The following GALNTL6 variants were observed in gnomAD, a reference collection of about 807,000 sequenced individuals.
GALNTL6 encodes polypeptide N-acetylgalactosaminyltransferase like 6, also known as polypeptide N-acetylgalactosaminyltransferase-like 6.
A neutral mutation model predicts 73.7 loss-of-function variants in GALNTL6; 46 were observed. That is an observed-to-expected ratio of 0.62 (90% CI 0.49 to 0.80). GALNTL6 has a LOEUF of 0.80. Ranked by LOEUF, GALNTL6 falls within the 30% of genes least tolerant of loss-of-function variation. The pLI, the probability that GALNTL6 is intolerant of heterozygous loss-of-function variation, is 0.00. For missense variants in GALNTL6, 604 were observed against 755.0 expected (o/e 0.80, Z 2.34); for synonymous variants, 259 against 263.7 (o/e 0.98, Z 0.17).
intron 2 of GALNTL6, among the ~76,000 whole-genome samples, chr4:172,156,242 C>G (rs1734257776): frequency 6.6e-6 from 1 of 152,016 alleles, no homozygotes; most frequent in Non-Finnish European, 1.5e-5. Context: ...TCTCGGCCAG[C>G]TTTCTTCCTG....
chr4:171,888,796 C>G (rs1736677807), intron 2 of GALNTL6, among the ~76,000 whole-genome samples: 1 of 151,978 alleles, frequency 6.6e-6, no homozygotes, highest in South Asian at 2.1e-4. Flanking sequence ...GACAGAATAC[C>G]TACTAAAGAA....
chr4:172,391,652 A>G (rs576806828), intron 5 of GALNTL6, among the ~76,000 whole-genome samples: 1 of 152,086 alleles, frequency 6.6e-6, no homozygotes, highest in Non-Finnish European at 1.5e-5. Context: ...ACACATTCTA[A>G]CCATAGCAGC....
chr4:172,022,924 T>A (rs1288619475), intron 2 of GALNTL6, among the ~76,000 whole-genome samples: 1 of 152,062 alleles, frequency 6.6e-6, no homozygotes, highest in Non-Finnish European at 1.5e-5. Context: ...CTCTGAACAC[T>A]TCAAACTATT....
At chr4:172,761,689 CTCTCTCTT>C (rs1030825675) in intron 5 of GALNTL6, among the ~76,000 whole-genome samples, 7 of 151,790 alleles carry the variant, frequency 4.6e-5, no homozygotes, top group Admixed American at 4.6e-4. Context: ...CTCTCTCTCT[CTCTCTCTT>C]TCTCTCTCTC....
chr4:172,116,028 C>G (rs1732974955), intron 2 of GALNTL6, among the ~76,000 whole-genome samples: 1 of 151,846 alleles, frequency 6.6e-6, no homozygotes, highest in African/African-American at 2.4e-5. Flanking sequence ...TACCTAGATA[C>G]AATAGGTTTT....
rs186889201 is a variant in GALNTL6 at position 172,250,241 on chromosome 4, T to C, written c.247+20477T>C. Among the ~76,000 whole-genome samples the C allele has an allele frequency of 2.0e-4, 31 of 152,144 alleles. No homozygotes were observed. The East Asian group carries it at 2.7e-3, about 13-fold the overall frequency. ...CCTCTGTTTTGGCCAATTTCTCCCATTTGGAGTGGGGGTATTTCCCCAATG... is the reference window on the plus strand; with the variant it reads ...CCTCTGTTTTGGCCAATTTCTCCCACTTGGAGTGGGGGTATTTCCCCAATG... On this transcript the variant is annotated intron_variant, in intron 3 of 12. Transcript: ENST00000506823.
Position 171,919,951 on chromosome 4 carries a change from T to C in GALNTL6, c.138+105233T>C, listed in dbSNP as rs191340359. Reference sequence around the variant, plus strand: ...TAAATCAAGCTGCTATAAAGACACATGCACACGTACGTTTATTGCGGCACT... The same window carrying C: ...TAAATCAAGCTGCTATAAAGACACACGCACACGTACGTTTATTGCGGCACT... On this transcript the variant is annotated intron_variant, in intron 2 of 12. Coordinates refer to ENST00000506823, the MANE Select transcript of GALNTL6 (RefSeq NM_001034845.3). 9.2e-5 allele frequency among the ~76,000 whole-genome samples: 14 copies of C among 152,300 alleles called. No homozygotes were observed. In the South Asian group the frequency reaches 1.4e-3, roughly 16 times the overall value.
chr4:172,122,585 T>C (rs1733181769), intron 2 of GALNTL6, among the ~76,000 whole-genome samples: 1 of 152,170 alleles, frequency 6.6e-6, no homozygotes, highest in Admixed American at 6.5e-5. Context: ...ATGGAGTTTA[T>C]AACGAGCAAA....
chr4:171,846,916 AATTAT>A (rs1735388046), intron 2 of GALNTL6, among the ~76,000 whole-genome samples: 1 of 145,912 alleles, frequency 6.9e-6, no homozygotes, highest in African/African-American at 2.5e-5. Flanking sequence ...ATATACATAT[AATTAT>A]ATGTAATTAT....
chr4:172,131,188 C>T lies in GALNTL6; in HGVS notation c.139-98468C>T, dbSNP rs1020883794. Among the ~76,000 whole-genome samples, 33 of 151,716 alleles carry T rather than the reference C, an allele frequency of 2.2e-4. No homozygotes were observed. In the Middle Eastern group the frequency reaches 0.014, roughly 63 times the overall value. On this transcript the variant is annotated intron_variant, in intron 2 of 12. Coordinates refer to ENST00000506823, the MANE Select transcript of GALNTL6 (RefSeq NM_001034845.3). Reference sequence around the variant, plus strand: ...GCATCATTTAAAACAAACAAGAAATCTCTTCCTTTGTGTAAATAATTATAA... The same window carrying T: ...GCATCATTTAAAACAAACAAGAAATTTCTTCCTTTGTGTAAATAATTATAA...
chr4:172,702,505 C>A (rs1433544142), intron 5 of GALNTL6, among the ~76,000 whole-genome samples: 1 of 151,898 alleles, frequency 6.6e-6, no homozygotes, highest in African/African-American at 2.4e-5. Context: ...CCACCCCGAC[C>A]CCCTCAAAAT....
intron 2 of GALNTL6, among the ~76,000 whole-genome samples, chr4:172,188,125 G>A (rs72700993): frequency 0.064 from 9,802 of 152,166 alleles, 514 homozygotes; most frequent in African/African-American, 0.15. Flanking sequence ...ATCATTCGTT[G>A]GGGAAGTAGT....
At chr4:172,750,721 G>C (rs1056803498) in intron 5 of GALNTL6, among the ~76,000 whole-genome samples, 2 of 152,094 alleles carry the variant, frequency 1.3e-5, no homozygotes, top group Admixed American at 1.3e-4. Flanking sequence ...TTGCTTCAAG[G>C]TCAAACATAT....
intron 5 of GALNTL6, among the ~76,000 whole-genome samples, chr4:172,697,223 T>G (rs997369452): frequency 1.3e-5 from 2 of 152,192 alleles, no homozygotes; most frequent in African/African-American, 2.4e-5. Flanking sequence ...TTTATGGAGC[T>G]TTACTAACCA....
chr4:171,969,430 A>G (rs1739494504), intron 2 of GALNTL6, among the ~76,000 whole-genome samples: 1 of 152,228 alleles, frequency 6.6e-6, no homozygotes, highest in Non-Finnish European at 1.5e-5. Flanking sequence ...CGTGTCCTCT[A>G]TATGAATTAA....
chr4:172,613,809 A>G (rs1204335309), intron 5 of GALNTL6, among the ~76,000 whole-genome samples: 1 of 152,138 alleles, frequency 6.6e-6, no homozygotes, highest in Non-Finnish European at 1.5e-5. Context: ...TACTTTGAAT[A>G]GCAACTTTTC....
At chr4:172,130,022 T>G (rs1733442483) in intron 2 of GALNTL6, among the ~76,000 whole-genome samples, 1 of 152,114 alleles carries the variant, frequency 6.6e-6, no homozygotes, top group Non-Finnish European at 1.5e-5. Context: ...GTAAACTATG[T>G]GTGTGTTCAG....
At chr4:172,861,807 A>C (rs1324728666) in intron 7 of GALNTL6, among the ~76,000 whole-genome samples, 1 of 152,196 alleles carries the variant, frequency 6.6e-6, no homozygotes, top group African/African-American at 2.4e-5. Context: ...GTAAGACATG[A>C]CTTTGCTCCT....
intron 2 of GALNTL6, among the ~76,000 whole-genome samples, chr4:171,961,431 T>A (rs1739215259): frequency 6.6e-6 from 1 of 152,052 alleles, no homozygotes; most frequent in African/African-American, 2.4e-5. Flanking sequence ...GAGTTAGACT[T>A]TAAAAAACAA....
Sources: allele counts gnomAD v4.1 joint callset (sites outside exome capture counted in the v4.1 genomes callset), GRCh38; gene constraint gnomAD v4.1.1; transcripts MANE v1.5; gene names NCBI Gene and HGNC (gene_info 2026-07-23, HGNC 2026-07-21).